DPYSL5: variants seen among roughly 807,000 people sequenced by gnomAD.
The protein encoded by DPYSL5 is dihydropyrimidinase like 5.
In DPYSL5, 9 loss-of-function variants were observed where a neutral mutation model predicts 58.4. The ratio of observed to expected loss-of-function variants is 0.15; its 90% CI spans 0.09 to 0.27. The LOEUF is 0.27. Among genes scored for constraint, DPYSL5 ranks in the 10% least tolerant of loss-of-function variants. The probability of loss-of-function intolerance (pLI) is 1.00; values close to 1 mark genes in which losing one functional copy is unlikely to be tolerated. For synonymous variants in DPYSL5, 293 were observed against 301.9 expected (o/e 0.97, Z 0.31); for missense variants, 499 against 770.6 (o/e 0.65, Z 4.17).
intron 2 of DPYSL5, among the ~76,000 whole-genome samples, chr2:26,911,343 G>A (rs1157265926): frequency 2.0e-5 from 3 of 151,156 alleles, no homozygotes; most frequent in African/African-American, 7.3e-5. Flanking sequence ...TTATGTCCTT[G>A]GAAGCAAATA....
In DPYSL5 at chr2:26,849,995, A is replaced by T. The variant is rs1025944364; in HGVS notation, c.-5+1741A>T. 1.3e-5 allele frequency among the ~76,000 whole-genome samples: 2 copies of T among 151,886 alleles called. No individual in the cohort carries two copies. The highest frequency in any genetic ancestry group is 1.3e-4 in the Admixed American group (2 of 15,274). On this transcript the variant is annotated intron_variant, in intron 1 of 12. Transcript: ENST00000288699. The surrounding 1 kb of genome is among the most constrained non-coding windows in gnomAD (Gnocchi z 6.2). ...CGGCGACGCAGGTGCCAAAGACTGG[A>T]GGTCGCCTCGGTGCAGCGCGGGTTC...
chr2:26,913,468 C>T (rs1399293595), intron 2 of DPYSL5, among the ~76,000 whole-genome samples: 7 of 152,166 alleles, frequency 4.6e-5, no homozygotes, highest in African/African-American at 1.4e-4. Context: ...CTGAATAATA[C>T]TCCATTGTAT....
intron 1 of DPYSL5, among the ~76,000 whole-genome samples, chr2:26,856,373 AT>A (rs2148105646): frequency 6.6e-6 from 1 of 152,282 alleles, no homozygotes; most frequent in East Asian, 1.9e-4. Flanking sequence ...CTATTTTTGA[AT>A]TTTTACAAAT....
At chr2:26,876,405 T>C (rs554695263) in intron 1 of DPYSL5, among the ~76,000 whole-genome samples, 2 of 152,284 alleles carry the variant, frequency 1.3e-5, no homozygotes, top group South Asian at 4.1e-4. Flanking sequence ...CTGGTGGAGA[T>C]AGAGCATGAT....
rs770466140 is a variant in DPYSL5 at position 26,947,009 on chromosome 2, C to CCCCCCGAGTGAGGACGCACCGCCGCCAAG, written c.*41_*42insAGCCCCCGAGTGAGGACGCACCGCCGCCA. The CCCCCCGAGTGAGGACGCACCGCCGCCAAG allele has an allele frequency of 6.3e-7, 1 of 1,597,304 alleles. No individual in the cohort carries two copies. Among genetic ancestry groups the CCCCCCGAGTGAGGACGCACCGCCGCCAAG allele is most frequent in the Non-Finnish European group, 8.6e-7 (1 of 1,166,000 alleles). ...GGCATTTGGTAAAGGCATTGCCAAG[C>CCCCCCGAGTGAGGACGCACCGCCGCCAAG]CCCCCGAGTGAGGACGCACCGCCGC... On this transcript the variant is annotated 3_prime_UTR_variant, in exon 13 of 13. Coordinates refer to ENST00000288699, the MANE Select transcript of DPYSL5 (RefSeq NM_020134.4). This position sits in a 1 kb window ranked among gnomAD's most constrained non-coding sequence, Gnocchi z 4.2.
In DPYSL5 at chr2:26,942,183, A is replaced by G; in HGVS notation, c.1232+91A>G. The stretch of plus-strand genomic sequence containing the variant: ...GATCTCCAAAAGCATATAATTTTGC[A>G]CTATTTCTAGCACAAAATATGGCCC... On this transcript the variant is annotated intron_variant, in intron 10 of 12. Transcript: ENST00000288699. This position sits in a 1 kb window ranked among gnomAD's most constrained non-coding sequence, Gnocchi z 5.9. The G allele has an allele frequency of 6.4e-7, 1 of 1,563,258 alleles. No individual in the cohort carries two copies. Among genetic ancestry groups the G allele is most frequent in the Non-Finnish European group, 8.7e-7 (1 of 1,154,328 alleles).
rs1009762907 is a variant in DPYSL5 at position 26,925,757 on chromosome 2, G to A, written c.420+712G>A. 9.4e-5 allele frequency among the ~76,000 whole-genome samples: 14 copies of A among 149,492 alleles called. No individual in the cohort carries two copies. Among genetic ancestry groups the A allele is most frequent in the Admixed American group, 6.9e-5 (1 of 14,522 alleles). ...GCTCTTCCTAATCTACAGGCATTTC[G>A]ATTTGGCTTTGTTTCTGGGGTTTTT... On this transcript the variant is annotated intron_variant, in intron 3 of 12. Coordinates refer to ENST00000288699, the MANE Select transcript of DPYSL5 (RefSeq NM_020134.4). The surrounding 1 kb of genome is among the most constrained non-coding windows in gnomAD (Gnocchi z 4.5).
intron 1 of DPYSL5, among the ~76,000 whole-genome samples, chr2:26,859,406 A>G (rs904892547): frequency 2.0e-5 from 3 of 151,716 alleles, no homozygotes; most frequent in African/African-American, 7.3e-5. Context: ...TATCTATAGT[A>G]CCTGATAGTT....
At chr2:26,856,046 A>G (rs897701502) in intron 1 of DPYSL5, among the ~76,000 whole-genome samples, 1 of 152,176 alleles carries the variant, frequency 6.6e-6, no homozygotes, top group Non-Finnish European at 1.5e-5. Context: ...TGAAACAGTC[A>G]CTTTTGGGGG....
intron 1 of DPYSL5, among the ~76,000 whole-genome samples, chr2:26,867,987 C>G (rs1196695342): frequency 6.6e-6 from 1 of 152,194 alleles, no homozygotes; most frequent in Non-Finnish European, 1.5e-5. Flanking sequence ...CCAATTTGCA[C>G]CCCTCCTCCC....
At chr2:26,912,051 G>A (rs960808501) in intron 2 of DPYSL5, among the ~76,000 whole-genome samples, 7 of 152,220 alleles carry the variant, frequency 4.6e-5, no homozygotes, top group East Asian at 1.9e-4. Context: ...GAGGTTAGGC[G>A]TCCATCCCCC....
At chr2:26,889,693 G>GAAA (rs112768243) in intron 1 of DPYSL5, among the ~76,000 whole-genome samples, 1 of 139,422 alleles carries the variant, frequency 7.2e-6, no homozygotes, top group Non-Finnish European at 1.6e-5. Flanking sequence ...ATAGCGTAGG[G>GAAA]AAAAAAAAAA....
chr2:26,865,912 A>G (rs1022340824), intron 1 of DPYSL5, among the ~76,000 whole-genome samples: 3 of 152,216 alleles, frequency 2.0e-5, no homozygotes, highest in Non-Finnish European at 4.4e-5. Context: ...TCTAACAGAT[A>G]GAGACCTGCA....
At chr2:26,901,473 C>T (rs1336816807) in intron 2 of DPYSL5, among the ~76,000 whole-genome samples, 4 of 152,052 alleles carry the variant, frequency 2.6e-5, no homozygotes, top group South Asian at 4.1e-4. Flanking sequence ...GAAAATCTCC[C>T]GCGGAGAGTA....
At position 26,915,121 on chromosome 2, in the gene DPYSL5, G is replaced by C. The variant is rs1664530781; in HGVS notation, c.262-9766G>C. Among the ~76,000 whole-genome samples, 15 of 152,096 alleles carry C rather than the reference G, an allele frequency of 9.9e-5. No individual in the cohort carries two copies. In the South Asian group the frequency reaches 3.1e-3, roughly 32 times the overall value. On this transcript the variant is annotated intron_variant, in intron 2 of 12. Transcript: ENST00000288699. ...CTGATGACTCCCATTTACAGCTGCA[G>C]CCCAGCCACCTCTGTGCACCTCCCT...
intron 1 of DPYSL5, among the ~76,000 whole-genome samples, chr2:26,873,515 C>A (rs777306732): frequency 3.1e-4 from 47 of 152,172 alleles, no homozygotes; most frequent in Admixed American, 5.2e-4. Context: ...TGCTGTTAAA[C>A]ATCTACAGTG....
intron 2 of DPYSL5, among the ~76,000 whole-genome samples, chr2:26,899,421 G>A (rs965455006): frequency 2.0e-5 from 3 of 152,102 alleles, no homozygotes; most frequent in African/African-American, 7.2e-5. Context: ...TACCCTTCCC[G>A]TGTGCTCCAA....
chr2:26,882,090 C>CAAAAAAAAAA (rs752138649), intron 1 of DPYSL5, among the ~76,000 whole-genome samples: 8 of 41,044 alleles, frequency 1.9e-4, no homozygotes, highest in African/African-American at 4.0e-4. Context: ...GACTCCATCT[C>CAAAAAAAAAA]AAAAAAAAAA....
chr2:26,900,381 C>T (rs908511895), intron 2 of DPYSL5, among the ~76,000 whole-genome samples: 1 of 152,192 alleles, frequency 6.6e-6, no homozygotes, highest in African/African-American at 2.4e-5. Context: ...TATGTACCTT[C>T]GCATTGGCTT....
Sources: allele counts gnomAD v4.1 joint callset (sites outside exome capture counted in the v4.1 genomes callset), GRCh38; gene constraint gnomAD v4.1.1; non-coding constraint Gnocchi (gnomAD v3.1); transcripts MANE v1.5; gene names NCBI Gene and HGNC (gene_info 2026-07-23, HGNC 2026-07-21).